Variants in MDM1 observed in about 807,000 individuals in gnomAD.
The protein encoded by MDM1 is Mdm1 nuclear protein.
In MDM1, 61 loss-of-function variants were observed where a neutral mutation model predicts 89.1. The observed-to-expected ratio is 0.68, with a 90% confidence interval of 0.56 to 0.85. The LOEUF (loss-of-function observed/expected upper bound fraction) is 0.85. MDM1 is among the 40% of genes least tolerant of loss of function. The pLI, the probability that MDM1 is intolerant of heterozygous loss-of-function variation, is 0.00. For synonymous variants in MDM1, 290 were observed against 294.1 expected (o/e 0.99, Z 0.14); for missense variants, 820 against 846.5 (o/e 0.97, Z 0.39).
At position 68,295,337 on chromosome 12, in the gene MDM1, G is replaced by A. The variant is rs149685902; in HGVS notation, c.2092C>T (p.Arg698Cys). Residue 698 changes from arginine to cysteine, a missense_variant, in exon 15 of 15, where the codon CGC becomes TGC. Physicochemically the swap from Arg to Cys is radical, Grantham distance 180. Coordinates refer to ENST00000682720, the MANE Select transcript of MDM1 (RefSeq NM_001354969.2). ...GCCCGGAGACTAGAAGCTGCAGAGCGAGCAGAAATCTCAGACAATCTGTCC... is the reference window on the plus strand; with the variant it reads ...GCCCGGAGACTAGAAGCTGCAGAGCAAGCAGAAATCTCAGACAATCTGTCC... ...DEDRLSEISA[R>C]SAASSLRAFQ... The A allele has an allele frequency of 1.2e-4, 192 of 1,612,642 alleles. No homozygotes were observed. Among genetic ancestry groups the A allele is most frequent in the Non-Finnish European group, 1.5e-4 (172 of 1,179,336 alleles).
chr12:68,328,482 G>C (rs1441481521), intron 2 of MDM1, among the ~76,000 whole-genome samples: 3 of 152,130 alleles, frequency 2.0e-5, no homozygotes, highest in Non-Finnish European at 4.4e-5. Context: ...CAACTCCAGA[G>C]TTTTTACAAA....
In MDM1 at chr12:68,316,546, T is replaced by C. The variant is rs1331078747; in HGVS notation, c.1035+35A>G. 12 of 1,500,616 alleles carry C rather than the reference T, an allele frequency of 8.0e-6. No individual in the cohort carries two copies. In the Admixed American group the frequency reaches 2.2e-4, roughly 27 times the overall value. The allele number at this position is 1,500,616 out of a possible 1,614,324, so 93.0% of individuals were successfully genotyped here. ...CAACTGAAATTACACAAGTAATCTA[T>C]GATTATAGTTTTTAAAAACTCAAAA... is the stretch of plus-strand genomic sequence containing the variant. On this transcript the variant is annotated intron_variant, in intron 8 of 14. Coordinates refer to ENST00000682720, the MANE Select transcript of MDM1 (RefSeq NM_001354969.2).
intron 9 of MDM1, among the ~76,000 whole-genome samples, chr12:68,315,505 AC>A (rs1327007241): frequency 6.6e-6 from 1 of 152,212 alleles, no homozygotes; most frequent in Non-Finnish European, 1.5e-5. Context: ...TTTTACTCCT[AC>A]CTTCACATAT....
chr12:68,304,725 G>T (rs745356059), intron 12 of MDM1, among the ~76,000 whole-genome samples: 1 of 152,066 alleles, frequency 6.6e-6, no homozygotes, highest in Non-Finnish European at 1.5e-5. Flanking sequence ...CTGATTCTGC[G>T]ATCTGTTTTT....
intron 10 of MDM1, among the ~76,000 whole-genome samples, chr12:68,314,626 T>C (rs1040347534): frequency 2.6e-5 from 4 of 152,214 alleles, no homozygotes; most frequent in African/African-American, 9.6e-5. Context: ...AGAACACCAG[T>C]TTTTTTCTTT....
At chr12:68,324,998 T>C (rs890627981) in intron 4 of MDM1, 12 of 978,922 alleles carry the variant, frequency 1.2e-5, no homozygotes, top group African/African-American at 1.8e-5. Context: ...AAATTACGTA[T>C]CTTGTGTTAC....
At chr12:68,330,254 T>C (rs1849566484) in intron 2 of MDM1, among the ~76,000 whole-genome samples, 2 of 152,188 alleles carry the variant, frequency 1.3e-5, no homozygotes. Context: ...TCCCTAGTGT[T>C]CCCAGACCAA....
At chr12:68,299,257 ACACT>A (rs1471105120) in intron 13 of MDM1, among the ~76,000 whole-genome samples, 1 of 152,154 alleles carries the variant, frequency 6.6e-6, no homozygotes, top group Non-Finnish European at 1.5e-5. Context: ...TCAAAAGATC[ACACT>A]CACTCTCCAG....
At chr12:68,323,723 T>A (rs1875561559) in intron 4 of MDM1, among the ~76,000 whole-genome samples, 1 of 152,214 alleles carries the variant, frequency 6.6e-6, no homozygotes, top group Admixed American at 6.5e-5. Flanking sequence ...GTTAAATATT[T>A]CCTTTTATAC....
chr12:68,332,275 C>A lies in MDM1; in HGVS notation c.-30G>T. On this transcript the variant is annotated 5_prime_UTR_variant, in exon 1 of 15. Coordinates refer to ENST00000682720, the MANE Select transcript of MDM1 (RefSeq NM_001354969.2). ...CCCGGCGCCGGAGCCCCCGCTACTC[C>A]GACAGTTAACTGGAGAAAAAGCTCC... The A allele has an allele frequency of 6.3e-7, 1 of 1,579,584 alleles. No homozygotes were observed.
chr12:68,308,429 GTTCT>G (rs759138362), intron 12 of MDM1, among the ~76,000 whole-genome samples: 2 of 152,106 alleles, frequency 1.3e-5, no homozygotes, highest in East Asian at 1.9e-4. Flanking sequence ...CCCGGCCCCT[GTTCT>G]TTCTAATTGG....
At position 68,327,416 on chromosome 12, in the gene MDM1, C is replaced by A. The variant is rs570512816; in HGVS notation, c.134-395G>T. ...GCCCTGGTACTGTCAAAATTTGGAA[C>A]TTTTCACAAAGCTTCTCTTATGTGG... On this transcript the variant is annotated intron_variant, in intron 2 of 14. Transcript: ENST00000682720. 10 of 1,535,730 alleles carry A rather than the reference C, an allele frequency of 6.5e-6. No individual in the cohort carries two copies. In the Admixed American group the frequency reaches 2.0e-4, roughly 30 times the overall value.
intron 8 of MDM1, 138 bp downstream of exon 8, chr12:68,316,443 C>G (rs1392303840): frequency 1.1e-6 from 1 of 932,408 alleles, no homozygotes; most frequent in Non-Finnish European, 1.6e-6. Flanking sequence ...AAGCATGATG[C>G]AGTTATTTTA....
At chr12:68,314,313 A>G (rs1278993395) in intron 10 of MDM1, among the ~76,000 whole-genome samples, 1 of 152,212 alleles carries the variant, frequency 6.6e-6, no homozygotes, top group African/African-American at 2.4e-5. Flanking sequence ...AACTATATCA[A>G]TAGAAGAAAA....
chr12:68,331,009 A>T, intron 2 of MDM1, 98 bp downstream of exon 2: 1 of 706,852 alleles, frequency 1.4e-6, no homozygotes, highest in South Asian at 1.6e-5. Flanking sequence ...ATCATTTGGT[A>T]AACTTAGCCC....
At chr12:68,325,704 T>C (rs1481057124) in intron 3 of MDM1, 129 bp from the exon 4 acceptor site, 1 of 1,355,880 alleles carries the variant, frequency 7.4e-7, no homozygotes. Context: ...AGTGCAAAAT[T>C]GTTAACTACA....
At chr12:68,305,024 A>G (rs1872684228) in intron 12 of MDM1, among the ~76,000 whole-genome samples, 1 of 152,168 alleles carries the variant, frequency 6.6e-6, no homozygotes, top group African/African-American at 2.4e-5. Flanking sequence ...ATTGGTCTAC[A>G]GTTTTCTTTT....
intron 12 of MDM1, among the ~76,000 whole-genome samples, chr12:68,308,123 CCTTCT>C (rs1873167060): frequency 6.7e-6 from 1 of 149,960 alleles, no homozygotes; most frequent in Admixed American, 6.6e-5. Flanking sequence ...ACTTGCTGTT[CCTTCT>C]TTTTTTTTTT....
intron 12 of MDM1, among the ~76,000 whole-genome samples, chr12:68,311,227 T>C (rs972957169): frequency 3.9e-5 from 6 of 152,214 alleles, no homozygotes; most frequent in South Asian, 4.1e-4. Flanking sequence ...CAAACATTAC[T>C]GGAGAAGGGC....
Sources: gnomAD v4.1 joint callset for allele counts (sites outside exome capture counted in the v4.1 genomes callset) on GRCh38, gnomAD v4.1.1 for gene constraint, MANE v1.5 for transcripts, NCBI Gene and HGNC (gene_info 2026-07-23, HGNC 2026-07-21) for gene names.